The following SLC36A2 variants were observed in gnomAD, a reference collection of about 807,000 sequenced individuals.
The protein encoded by SLC36A2 is solute carrier family 36 member 2.
SLC36A2 carries 39 observed loss-of-function variants against 42.7 expected under a neutral mutation model. The ratio of observed to expected loss-of-function variants is 0.91; its 90% CI spans 0.71 to 1.19. The LOEUF (loss-of-function observed/expected upper bound fraction) is 1.19. Among genes scored for constraint, SLC36A2 ranks in the 50% most tolerant of loss-of-function variants. SLC36A2 has a pLI of 0.00. For missense variants in SLC36A2, 590 were observed against 613.7 expected (o/e 0.96, Z 0.41); for synonymous variants, 237 against 240.8 (o/e 0.98, Z 0.15).
chr5:151,331,490 AT>A (rs142952666), intron 7 of SLC36A2, among the ~76,000 whole-genome samples: 11,947 of 150,110 alleles, frequency 0.08, 782 homozygotes, highest in African/African-American at 0.19. Context: ...TAATTAAAAA[AT>A]TTTTTTTTGC....
At chr5:151,317,123 C>A in intron 9 of SLC36A2, 35 bp from the exon 10 acceptor site, 3 of 1,608,276 alleles carry the variant, frequency 1.9e-6, no homozygotes, top group Non-Finnish European at 2.5e-6. Flanking sequence ...ATGGAGCATT[C>A]CAGGCTTAGC....
At chr5:151,332,410 C>T in intron 7 of SLC36A2, 1 of 455,740 alleles carries the variant, frequency 2.2e-6, no homozygotes, top group Non-Finnish European at 4.4e-6. Context: ...ATGTCAAAAA[C>T]CTGTACACAA....
chr5:151,340,305 AGAC>A (rs201020695), intron 4 of SLC36A2, among the ~76,000 whole-genome samples: 213 of 151,544 alleles, frequency 1.4e-3, no homozygotes, highest in African/African-American at 3.7e-3. Context: ...AGGAAGAAGA[AGAC>A]GAGGAGGAGG....
intron 1 of SLC36A2, among the ~76,000 whole-genome samples, chr5:151,345,434 G>A (rs1412424633): frequency 6.6e-6 from 1 of 152,160 alleles, no homozygotes; most frequent in Non-Finnish European, 1.5e-5. Context: ...TTTAAAAGAT[G>A]CTATTTTAAA....
intron 7 of SLC36A2, among the ~76,000 whole-genome samples, chr5:151,327,843 G>T (rs997108220): frequency 2.0e-5 from 3 of 152,102 alleles, no homozygotes; most frequent in East Asian, 1.9e-4. Context: ...AGAGTCAGAC[G>T]TACTAGGTTT....
intron 4 of SLC36A2, among the ~76,000 whole-genome samples, chr5:151,340,981 A>G (rs1756328444): frequency 2.0e-5 from 3 of 152,134 alleles, no homozygotes; most frequent in Admixed American, 2.0e-4. Flanking sequence ...AGGTCCAGGA[A>G]GTTTTATTTA....
At chr5:151,326,043 A>T (rs2127289023) in intron 7 of SLC36A2, among the ~76,000 whole-genome samples, 1 of 152,316 alleles carries the variant, frequency 6.6e-6, no homozygotes, top group Admixed American at 6.5e-5. Flanking sequence ...TAAACAAAAA[A>T]AGGAAATAAA....
rs188918896 is a variant in SLC36A2, at chr5:151,315,517, C to T, written c.*1300G>A. On this transcript the variant is annotated 3_prime_UTR_variant, in exon 10 of 10. Coordinates refer to ENST00000335244, the MANE Select transcript of SLC36A2 (RefSeq NM_181776.3). ...TGGCAGGCACTTGTAATCCTAGCTA[C>T]TTGGGAGGCTGAGGCAGAAGAATCG... The T allele has an allele frequency of 1.3e-5, 2 of 152,420 alleles. No individual in the cohort carries two copies. The highest frequency in any genetic ancestry group is 2.4e-5 in the African/African-American group (1 of 41,568). The allele number at this position is 152,420 out of a possible 1,614,324, so 9.4% of individuals were successfully genotyped here. A position where few individuals can be genotyped will look rare whatever the true frequency, so the allele number is the denominator to read the frequency against.
chr5:151,325,032 CT>C (rs1322654141), intron 8 of SLC36A2: 2 of 526,428 alleles, frequency 3.8e-6, no homozygotes, highest in African/African-American at 1.9e-5. Context: ...AGGGCTCTCA[CT>C]TGTGTCCTCT....
intron 5 of SLC36A2, chr5:151,338,689 A>G (rs372285319): frequency 1.5e-4 from 32 of 208,690 alleles, no homozygotes; most frequent in Non-Finnish European, 2.5e-4. Context: ...AAGAAAAAAA[A>G]AAAGAAAGAA....
rs1027642718 is a variant in SLC36A2, at chr5:151,344,167, C to G, written c.255+10G>C. The G allele has an allele frequency of 1.4e-5, 22 of 1,613,274 alleles. No individual in the cohort carries two copies. The highest frequency in any genetic ancestry group is 1.8e-5 in the Non-Finnish European group (21 of 1,179,500). ...GACCATAAAGCCCCCACATGTGGCG[C>G]CTCTCTTACCAGGATGCCCGCGTTC... On this transcript the variant is annotated intron_variant, in intron 2 of 9. Coordinates refer to ENST00000335244, the MANE Select transcript of SLC36A2 (RefSeq NM_181776.3).
At chr5:151,339,587 G>C (rs1756261625) in intron 4 of SLC36A2, among the ~76,000 whole-genome samples, 1 of 152,202 alleles carries the variant, frequency 6.6e-6, no homozygotes, top group Non-Finnish European at 1.5e-5. Context: ...TGGGATTACA[G>C]GCATAAGCCA....
chr5:151,322,006 A>T (rs1285140869), intron 9 of SLC36A2, 40 bp downstream of exon 9: 2 of 1,613,550 alleles, frequency 1.2e-6, no homozygotes, highest in Non-Finnish European at 1.7e-6. Context: ...TAGCCCTCAG[A>T]AAAGATCAGC....
At chr5:151,339,966 CAGAA>C (rs1756273968) in intron 4 of SLC36A2, among the ~76,000 whole-genome samples, 1 of 151,864 alleles carries the variant, frequency 6.6e-6, no homozygotes, top group Non-Finnish European at 1.5e-5. Flanking sequence ...TATGGGCAGA[CAGAA>C]AGCCTTGTTA....
chr5:151,343,570 C>T lies in SLC36A2; in HGVS notation c.284G>A (p.Gly95Asp). The T allele has an allele frequency of 6.2e-7, 1 of 1,614,164 alleles. No individual in the cohort carries two copies. Among genetic ancestry groups the T allele is most frequent in the Non-Finnish European group, 8.5e-7 (1 of 1,180,020 alleles). ...LMGPLSLLVM[G>D]FIACHCMHIL... ...GTGCATACAGTGGCAGGCAATGAAG[C>T]CCATCACCAGCAGACTGAGTGGGCC... The change falls in exon 3 of 10, where the codon GGC becomes GAC. Residue 95 changes from glycine to aspartate, a missense_variant. By Grantham distance (94) the Gly-to-Asp change is moderately conservative. Transcript: ENST00000335244.
intron 9 of SLC36A2, among the ~76,000 whole-genome samples, chr5:151,320,669 G>T (rs1310789569): frequency 6.6e-6 from 1 of 152,190 alleles, no homozygotes. Context: ...CAGCCAATAG[G>T]CAAGCACAGG....
At chr5:151,332,311 C>T in intron 7 of SLC36A2, 1 of 412,326 alleles carries the variant, frequency 2.4e-6, no homozygotes, top group Non-Finnish European at 4.8e-6. Context: ...AACAAAAAGA[C>T]AAACAGCCTA....
At chr5:151,340,305 A>C (rs997852653) in intron 4 of SLC36A2, among the ~76,000 whole-genome samples, 6 of 151,544 alleles carry the variant, frequency 4.0e-5, no homozygotes, top group Middle Eastern at 3.4e-3. Flanking sequence ...AGGAAGAAGA[A>C]GACGAGGAGG....
intron 4 of SLC36A2, among the ~76,000 whole-genome samples, chr5:151,340,311 G>C (rs1456226339): frequency 6.6e-6 from 1 of 151,438 alleles, no homozygotes; most frequent in Non-Finnish European, 1.5e-5. Context: ...AAGAAGACGA[G>C]GAGGAGGAGG....
Sources: gnomAD v4.1 joint callset for allele counts (sites outside exome capture counted in the v4.1 genomes callset) on GRCh38, gnomAD v4.1.1 for gene constraint, MANE v1.5 for transcripts, NCBI Gene and HGNC (gene_info 2026-07-23, HGNC 2026-07-21) for gene names.